FKTN: variants seen among roughly 807,000 people sequenced by gnomAD.
FKTN encodes the protein ribitol-5-phosphate transferase FKTN.
A neutral mutation model predicts 58.6 loss-of-function variants in FKTN; 47 were observed. The observed-to-expected ratio is 0.80, with a 90% CI of 0.63 to 1.02. The LOEUF is 1.02. Ranked by LOEUF, FKTN falls within the 50% of genes least tolerant of loss-of-function variation. The pLI is 0.00. For missense variants in FKTN, 516 were observed against 537.3 expected (o/e 0.96, Z 0.39); for synonymous variants, 178 against 191.9 (o/e 0.93, Z 0.60).
intron 3 of FKTN, among the ~76,000 whole-genome samples, chr9:105,585,345 G>C (rs1843720570): frequency 6.6e-6 from 1 of 152,138 alleles, no homozygotes; most frequent in Non-Finnish European, 1.5e-5. Context: ...GAATCCCTCT[G>C]AGCCCAGGAG....
At chr9:105,584,469 A>T (rs918848631) in intron 3 of FKTN, among the ~76,000 whole-genome samples, 1 of 152,126 alleles carries the variant, frequency 6.6e-6, no homozygotes, top group Non-Finnish European at 1.5e-5. Flanking sequence ...TACTTTTGAT[A>T]ATAGGTAGAC....
rs376798371 is a variant in FKTN at position 105,637,928 on chromosome 9, G to A, written c.*2664G>A. The stretch of plus-strand genomic sequence containing the variant: ...AGAGTAGCTGCTTGGTGGGACAGCT[G>A]ATTTCTTTGATTCCCTAGCTGCAAA... On this transcript the variant is annotated 3_prime_UTR_variant, in exon 11 of 11. Transcript: ENST00000357998. 2.5e-5 allele frequency: 25 copies of A among 985,212 alleles called. No individual in the cohort carries two copies. The highest frequency in any genetic ancestry group is 3.0e-5 in the Non-Finnish European group (25 of 829,922). 61.0% of individuals were successfully genotyped at this position (985,212 alleles called of 1,614,324 possible).
chr9:105,606,950 A>G (rs542048585), intron 6 of FKTN, among the ~76,000 whole-genome samples: 24 of 151,896 alleles, frequency 1.6e-4, no homozygotes, highest in African/African-American at 5.8e-4. Context: ...CTTAATACTC[A>G]CTGTTCTCTT....
At chr9:105,615,780 C>T (rs903553673) in intron 8 of FKTN, among the ~76,000 whole-genome samples, 16 of 152,160 alleles carry the variant, frequency 1.1e-4, no homozygotes, top group Non-Finnish European at 1.8e-4. Flanking sequence ...TTTCCCTATA[C>T]ATACATATGA....
chr9:105,625,027 G>A (rs892512706), intron 10 of FKTN, among the ~76,000 whole-genome samples: 15 of 152,120 alleles, frequency 9.9e-5, no homozygotes, highest in Admixed American at 7.2e-4. Context: ...TGCTTGGCAC[G>A]TAATAGATTC....
Position 105,606,673 on chromosome 9 carries a change from T to G in FKTN, c.648-1146T>G, listed in dbSNP as rs116908450. On this transcript the variant is annotated intron_variant, in intron 6 of 10. Transcript: ENST00000357998. ...TAAGAGTATGTTTATTCTTGCCTTC[T>G]TTTAAAAATATATATATATATTATA... Among the ~76,000 whole-genome samples the G allele has an allele frequency of 0.012, 1,568 of 133,502 alleles. 22 individuals are homozygous for G. The highest frequency in any genetic ancestry group is 0.034 in the East Asian group (169 of 4,914). 87.6% of individuals were successfully genotyped at this position (133,502 alleles called of 152,430 possible). A position where few individuals can be genotyped will look rare whatever the true frequency, so the allele number is the denominator to read the frequency against.
chr9:105,614,155 A>G (rs11999966), intron 7 of FKTN, among the ~76,000 whole-genome samples: 17,311 of 152,180 alleles, frequency 0.11, 1,421 homozygotes, highest in African/African-American at 0.23. Context: ...ATTTTGTCCC[A>G]CAGGTAGCGA....
At chr9:105,582,894 T>G (rs1843269131) in intron 3 of FKTN, among the ~76,000 whole-genome samples, 1 of 152,208 alleles carries the variant, frequency 6.6e-6, no homozygotes, top group Admixed American at 6.5e-5. Context: ...TGGCTAATAG[T>G]AGCTTAAACA....
At position 105,639,004 on chromosome 9, in the gene FKTN, TG is replaced by T; in HGVS notation, c.*3742del. On this transcript the variant is annotated 3_prime_UTR_variant, in exon 11 of 11. Transcript: ENST00000357998. ...CAGTCTAAAATCTCACCCAAACTTA[TG>T]GCTACATATTTTTCTAAGTTTCCCC... 1 of 985,390 alleles carries T rather than the reference TG, an allele frequency of 1.0e-6. No individual in the cohort carries two copies. Among genetic ancestry groups the T allele is most frequent in the Non-Finnish European group, 1.2e-6 (1 of 829,878 alleles). The allele number at this position is 985,390 out of a possible 1,614,324, so 61.0% of individuals were successfully genotyped here.
At chr9:105,563,550 A>G (rs542435136) in intron 1 of FKTN, among the ~76,000 whole-genome samples, 1 of 151,494 alleles carries the variant, frequency 6.6e-6, no homozygotes, top group East Asian at 1.9e-4. Flanking sequence ...AGCCTCACTC[A>G]TTTGTAGCAC....
intron 10 of FKTN, among the ~76,000 whole-genome samples, chr9:105,628,350 A>C (rs999479539): frequency 6.6e-6 from 1 of 152,218 alleles, no homozygotes; most frequent in African/African-American, 2.4e-5. Context: ...AATTGAGGGA[A>C]GAACTTTGAA....
At chr9:105,558,659 A>G (rs1412577213) in intron 1 of FKTN, among the ~76,000 whole-genome samples, 2 of 151,718 alleles carry the variant, frequency 1.3e-5, no homozygotes, top group Non-Finnish European at 2.9e-5. Context: ...AAGGACCTAG[A>G]TGATATATCA....
chr9:105,629,727 T>G (rs995594324), intron 10 of FKTN, among the ~76,000 whole-genome samples: 1 of 152,216 alleles, frequency 6.6e-6, no homozygotes, highest in Admixed American at 6.5e-5. Context: ...CATGCTGCTC[T>G]AAAGACACAT....
In FKTN at chr9:105,636,998, A is replaced by G; in HGVS notation, c.*1734A>G. On this transcript the variant is annotated 3_prime_UTR_variant, in exon 11 of 11. Transcript: ENST00000357998. The stretch of plus-strand genomic sequence containing the variant: ...CTGGAGACATTTAAGATTGTCAGCA[A>G]ACTTGTCCCAAAATGGCACATCATC... 3.0e-6 allele frequency: 3 copies of G among 1,000,000 alleles called. No homozygotes were observed. The highest frequency in any genetic ancestry group is 3.6e-6 in the Non-Finnish European group (3 of 837,340). 61.9% of individuals were successfully genotyped at this position (1,000,000 alleles called of 1,614,324 possible).
At chr9:105,626,834 A>T (rs571577783) in intron 10 of FKTN, among the ~76,000 whole-genome samples, 1 of 152,070 alleles carries the variant, frequency 6.6e-6, no homozygotes, top group Non-Finnish European at 1.5e-5. Flanking sequence ...CCTTGACTTA[A>T]TGAAGGCAAG....
At chr9:105,575,182 TG>T (rs768104853) in intron 3 of FKTN, 45 bp downstream of exon 3, 5 of 1,080,994 alleles carry the variant, frequency 4.6e-6, no homozygotes, top group Non-Finnish European at 7.2e-6. Context: ...TTCTTATCAT[TG>T]TATATTTTCT....
chr9:105,580,305 C>T (rs999665837), intron 3 of FKTN, among the ~76,000 whole-genome samples: 146 of 151,806 alleles, frequency 9.6e-4, no homozygotes, highest in African/African-American at 3.2e-3. Flanking sequence ...CAGCTGGTAC[C>T]GGTTGTTCCT....
rs142802180 is a variant in FKTN, at chr9:105,630,503, T to A, written c.1173-4548T>A. On this transcript the variant is annotated intron_variant, in intron 10 of 10. Coordinates refer to ENST00000357998, the MANE Select transcript of FKTN (RefSeq NM_001079802.2). Reference sequence around the variant, plus strand: ...GTTTGCTGCAAAGTTTCACTGTGCCTTCACAGAACAGATTATCCCTGTATT... The same window carrying A: ...GTTTGCTGCAAAGTTTCACTGTGCCATCACAGAACAGATTATCCCTGTATT... Among the ~76,000 whole-genome samples the A allele has an allele frequency of 3.3e-4, 50 of 152,316 alleles. 1 individual carries two copies. The highest frequency in any genetic ancestry group is 1.2e-3 in the African/African-American group (49 of 41,574).
At chr9:105,594,359 G>A (rs965239415) in intron 3 of FKTN, among the ~76,000 whole-genome samples, 1 of 152,170 alleles carries the variant, frequency 6.6e-6, no homozygotes, top group African/African-American at 2.4e-5. Flanking sequence ...TTAGAAAAAA[G>A]GGGGAAAAGT....
Sources: gnomAD v4.1 joint callset for allele counts (sites outside exome capture counted in the v4.1 genomes callset) on GRCh38, gnomAD v4.1.1 for gene constraint, MANE v1.5 for transcripts, NCBI Gene and HGNC (gene_info 2026-07-23, HGNC 2026-07-21) for gene names.